The following LRRC7 variants were observed in gnomAD, a reference collection of about 807,000 sequenced individuals.
LRRC7 encodes the protein leucine-rich repeat-containing protein 7.
Under a neutral mutation model 175.7 loss-of-function variants are expected in LRRC7, and 23 were observed. That is an observed-to-expected ratio of 0.13 (90% confidence interval 0.09 to 0.19). The LOEUF (loss-of-function observed/expected upper bound fraction) is 0.19, where lower values mean the gene tolerates loss of function less well. Among genes scored for constraint, LRRC7 ranks in the 10% least tolerant of loss-of-function variants. The pLI is 1.00. For synonymous variants in LRRC7, 685 were observed against 680.9 expected (o/e 1.01, Z -0.09); for missense variants, 1,354 against 1,904.7 (o/e 0.71, Z 5.38).
At chr1:70,077,622 C>T (rs1384973010) in intron 24 of LRRC7, among the ~76,000 whole-genome samples, 1 of 152,078 alleles carries the variant, frequency 6.6e-6, no homozygotes, top group East Asian at 1.9e-4. Flanking sequence ...TTAATGCTAT[C>T]GGTTTTCGCC....
intron 4 of LRRC7, among the ~76,000 whole-genome samples, chr1:69,814,774 T>G (rs1349251101): frequency 6.6e-6 from 1 of 152,182 alleles, no homozygotes; most frequent in Non-Finnish European, 1.5e-5. Context: ...CCTACTTTTC[T>G]AAATGTGTTC....
chr1:69,601,973 A>G (rs1276022250), intron 1 of LRRC7, among the ~76,000 whole-genome samples: 1 of 152,226 alleles, frequency 6.6e-6, no homozygotes, highest in Admixed American at 6.5e-5. Context: ...TATTTAAATA[A>G]GAAAACTTTG....
At chr1:69,706,109 TGGCCTTGTC>T (rs1664007690) in intron 2 of LRRC7, among the ~76,000 whole-genome samples, 1 of 152,180 alleles carries the variant, frequency 6.6e-6, no homozygotes, top group Admixed American at 6.6e-5. Context: ...TTCAAGTTAA[TGGCCTTGTC>T]TTGAGGCTTA....
chr1:69,985,614 A>G (rs1308344406), intron 9 of LRRC7, among the ~76,000 whole-genome samples: 1 of 152,144 alleles, frequency 6.6e-6, no homozygotes, highest in African/African-American at 2.4e-5. Flanking sequence ...AGAAAACCTG[A>G]ACCTATTAGC....
At chr1:70,043,900 C>G (rs1345063063) in intron 21 of LRRC7, 54 bp from the exon 22 acceptor site, 4 of 1,522,836 alleles carry the variant, frequency 2.6e-6, no homozygotes, top group Admixed American at 3.9e-5. Flanking sequence ...TGTAATTTAT[C>G]AGTTTGTTGA....
In LRRC7 at chr1:69,743,400, C is replaced by G. The variant is rs1375353763; in HGVS notation, c.101-16791C>G. Among the ~76,000 whole-genome samples, 3 of 152,110 alleles carry G rather than the reference C, an allele frequency of 2.0e-5. No individual in the cohort carries two copies. The East Asian group carries it at 5.8e-4, about 29-fold the overall frequency. On this transcript the variant is annotated intron_variant, in intron 2 of 26. Transcript: ENST00000651989. The stretch of plus-strand genomic sequence containing the variant: ...AAAGATTATTCCTAGCAGAGAAAAA[C>G]ACTTGCAAAAGCACGGAAGAATGCA...
intron 3 of LRRC7, among the ~76,000 whole-genome samples, chr1:69,778,812 CAA>C (rs1343296957): frequency 1.3e-5 from 2 of 151,882 alleles, no homozygotes; most frequent in Non-Finnish European, 1.5e-5. Context: ...AGCTAGTCAG[CAA>C]AGTTAGGCCT....
chr1:69,695,359 C>A (rs952197286), intron 2 of LRRC7, among the ~76,000 whole-genome samples: 1 of 152,098 alleles, frequency 6.6e-6, no homozygotes, highest in African/African-American at 2.4e-5. Context: ...CTTCTAACAG[C>A]CTATCATCAG....
intron 22 of LRRC7, among the ~76,000 whole-genome samples, chr1:70,049,154 ATTATC>A (rs1393599437): frequency 2.0e-5 from 3 of 152,248 alleles, no homozygotes; most frequent in South Asian, 4.1e-4. Context: ...TATGTAATAA[ATTATC>A]TTATCATAGA....
intron 4 of LRRC7, among the ~76,000 whole-genome samples, chr1:69,815,818 G>A (rs569909277): frequency 1.1e-4 from 17 of 152,208 alleles, no homozygotes; most frequent in Non-Finnish European, 2.1e-4. Context: ...ATGAGGGCCT[G>A]TTCCTCATAG....
chr1:69,707,793 ACT>A (rs1018584141), intron 2 of LRRC7, among the ~76,000 whole-genome samples: 2 of 152,100 alleles, frequency 1.3e-5, no homozygotes, highest in African/African-American at 4.8e-5. Context: ...GAGGAAGCAG[ACT>A]CTTGCTTTAG....
At chr1:69,808,340 T>C (rs1034945682) in intron 4 of LRRC7, among the ~76,000 whole-genome samples, 5 of 152,014 alleles carry the variant, frequency 3.3e-5, no homozygotes, top group Admixed American at 3.3e-4. Context: ...ACTGTCAATA[T>C]TAGACAGATG....
At position 70,133,469 on chromosome 1, in the gene LRRC7, C is replaced by T. The variant is rs1666757003; in HGVS notation, c.*11582C>T. ...CACCTGGGCTCTATCGATCCGACCG[C>T]CTCGGCCTCCCAAAGTGCTGGGATG... On this transcript the variant is annotated 3_prime_UTR_variant, in exon 27 of 27. Coordinates refer to ENST00000651989, the MANE Select transcript of LRRC7 (RefSeq NM_001370785.2). 6.6e-6 allele frequency among the ~76,000 whole-genome samples: 1 copy of T among 152,184 alleles called. No homozygotes were observed. Among genetic ancestry groups the T allele is most frequent in the African/African-American group, 2.4e-5 (1 of 41,444 alleles).
At chr1:69,989,436 A>G (rs189540940) in intron 10 of LRRC7, among the ~76,000 whole-genome samples, 1 of 152,318 alleles carries the variant, frequency 6.6e-6, no homozygotes, top group Admixed American at 6.5e-5. Flanking sequence ...AAAATACCAC[A>G]TTAGGTATGA....
Position 69,923,939 on chromosome 1 carries a change from T to C in LRRC7, c.648-7568T>C, listed in dbSNP as rs1440492162. 3.3e-5 allele frequency among the ~76,000 whole-genome samples: 5 copies of C among 151,640 alleles called. No homozygotes were observed. The South Asian group carries it at 1.0e-3, about 31-fold the overall frequency. ...TCTAGGGTTTTTATGGTTTTAGGTC[T>C]AACATTTAAGTCTTTAATCCATCTT... On this transcript the variant is annotated intron_variant, in intron 7 of 26. Transcript: ENST00000651989.
chr1:69,580,785 C>T (rs1332302809), intron 1 of LRRC7, among the ~76,000 whole-genome samples: 3 of 151,914 alleles, frequency 2.0e-5, no homozygotes, highest in Non-Finnish European at 4.4e-5. Flanking sequence ...ATAGACAGAC[C>T]TTAAATAAAT....
rs530935565 is a variant in LRRC7, at chr1:69,580,358, A to G, written c.2+11717A>G. Among the ~76,000 whole-genome samples, 20 of 152,248 alleles carry G rather than the reference A, an allele frequency of 1.3e-4. No homozygotes were observed. In the South Asian group the frequency reaches 2.1e-3, roughly 16 times the overall value. On this transcript the variant is annotated intron_variant, in intron 1 of 26. Coordinates refer to ENST00000651989, the MANE Select transcript of LRRC7 (RefSeq NM_001370785.2). ...TAATTTTTAACAAAACTATTATTTA[A>G]TACATAAAGATATTATTTAAAAGAT...
intron 18 of LRRC7, among the ~76,000 whole-genome samples, chr1:70,028,739 C>T (rs756103707): frequency 2.6e-5 from 4 of 152,128 alleles, no homozygotes; most frequent in Non-Finnish European, 4.4e-5. Flanking sequence ...ATGCAAATCT[C>T]ATAAAATTCC....
rs753669805 is a variant in LRRC7, at chr1:70,028,270, G to C, written c.1894G>C (p.Val632Leu). The change falls in exon 18 of 27, where the codon GTG (valine) becomes CTG (leucine). Residue 632 changes from valine (V) to leucine (L), a missense_variant. Physicochemically the swap from Val to Leu is conservative, Grantham distance 32. Coordinates refer to ENST00000651989, the MANE Select transcript of LRRC7 (RefSeq NM_001370785.2). ...QNLVGKPSHG[V>L]RVENSNPTAN... ...TTTGGTGGGTAAGCCAAGCCATGGA[G>C]TGCGTGTTGAGAATTCAAATCCAAC... 6.2e-7 allele frequency: 1 copy of C among 1,613,700 alleles called. No homozygotes were observed. Among genetic ancestry groups the C allele is most frequent in the African/African-American group, 1.3e-5 (1 of 74,918 alleles).
Sources: allele counts gnomAD v4.1 joint callset (sites outside exome capture counted in the v4.1 genomes callset), GRCh38; gene constraint gnomAD v4.1.1; transcripts MANE v1.5; gene names NCBI Gene and HGNC (gene_info 2026-07-23, HGNC 2026-07-21).